Variants in TECPR2 observed in about 807,000 individuals in gnomAD.
TECPR2 encodes the protein tectonin beta-propeller repeat containing 2.
Under a neutral mutation model 138.1 loss-of-function variants are expected in TECPR2, and 65 were observed. The observed-to-expected ratio is 0.47, with a 90% CI of 0.39 to 0.58. TECPR2 has a LOEUF of 0.58. TECPR2 is among the 20% of genes least tolerant of loss of function. The pLI, the probability that TECPR2 is intolerant of heterozygous loss-of-function variation, is 0.00. For missense variants in TECPR2, 1,553 were observed against 1,824.5 expected (o/e 0.85, Z 2.71); for synonymous variants, 746 against 749.8 (o/e 0.99, Z 0.08).
chr14:102,486,336 G>A (rs894325057), intron 17 of TECPR2, among the ~76,000 whole-genome samples: 3 of 152,070 alleles, frequency 2.0e-5, no homozygotes, highest in African/African-American at 4.8e-5. Context: ...CTCTTGTTCC[G>A]TCACCCACGC....
chr14:102,376,776 C>T lies in TECPR2; in HGVS notation c.55C>T (p.Leu19Phe), dbSNP rs1887648991. 1 of 1,614,052 alleles carries T rather than the reference C, an allele frequency of 6.2e-7. No homozygotes were observed. The highest frequency in any genetic ancestry group is 2.2e-5 in the East Asian group (1 of 44,894). The change falls in exon 2 of 20, where the codon CTC (leucine) becomes TTC (phenylalanine). Residue 19 changes from leucine to phenylalanine, a missense_variant. Physicochemically the swap from Leu to Phe is conservative, Grantham distance 22. Coordinates refer to ENST00000359520, the MANE Select transcript of TECPR2 (RefSeq NM_014844.5). Reference sequence around the variant, plus strand: ...CAGAGAGTTCTGCCCGTTGTACTATCTCCTCAATGCCATTCCGACAAAGAT... The same window carrying T: ...CAGAGAGTTCTGCCCGTTGTACTATTTCCTCAATGCCATTCCGACAAAGAT... ...TFREFCPLYYLLNAIPTKIQK... is the reference protein window; with the variant it reads ...TFREFCPLYYFLNAIPTKIQK...
chr14:102,377,710 A>G (rs10151889), intron 2 of TECPR2, among the ~76,000 whole-genome samples: 48,669 of 152,118 alleles, frequency 0.32, 8,106 homozygotes, highest in Middle Eastern at 0.4. Context: ...CATCTTAAAA[A>G]AAAGAAAGAA....
chr14:102,400,297 G>A (rs1595102337), intron 2 of TECPR2, among the ~76,000 whole-genome samples: 1 of 152,070 alleles, frequency 6.6e-6, no homozygotes, highest in South Asian at 2.1e-4. Flanking sequence ...TGCCCGCCTT[G>A]GCCTCCCAAA....
At chr14:102,470,450 G>A (rs1890632789) in intron 17 of TECPR2, among the ~76,000 whole-genome samples, 1 of 151,728 alleles carries the variant, frequency 6.6e-6, no homozygotes, top group Non-Finnish European at 1.5e-5. Flanking sequence ...TGGGACTACA[G>A]GCATGTACCA....
intron 4 of TECPR2, among the ~76,000 whole-genome samples, chr14:102,413,059 A>G (rs1888925207): frequency 6.6e-6 from 1 of 152,068 alleles, no homozygotes. Flanking sequence ...TTGCACCACT[A>G]CACTCCAGCC....
chr14:102,431,884 G>A lies in TECPR2; in HGVS notation c.1173G>A (p.Thr391=), dbSNP rs747637703. Residue 391 remains threonine, a synonymous_variant, in exon 8 of 20, where the codon ACG becomes ACA. Coordinates refer to ENST00000359520, the MANE Select transcript of TECPR2 (RefSeq NM_014844.5). ...EKLPGATVSE[T]RLRGSSMASS... is the part of the protein sequence containing the mutation. ...TGCCAGGGGCCACAGTTTCTGAGAC[G>A]AGGCTCAGAGGCTCTTCCATGGCCA... 5.1e-5 allele frequency: 82 copies of A among 1,606,236 alleles called. No homozygotes were observed. Among genetic ancestry groups the A allele is most frequent in the Admixed American group, 1.3e-4 (8 of 59,846 alleles).
Position 102,498,147 on chromosome 14 carries a change from C to T in TECPR2, c.4126C>T (p.Leu1376Phe), listed in dbSNP as rs1429648673. 6.2e-7 allele frequency: 1 copy of T among 1,613,338 alleles called. No individual in the cohort carries two copies. The highest frequency in any genetic ancestry group is 8.5e-7 in the Non-Finnish European group (1 of 1,179,980). Residue 1376 changes from leucine to phenylalanine, a missense_variant, in exon 20 of 20, where the codon CTC becomes TTC. Leu to Phe is a conservative substitution (Grantham distance 22, BLOSUM62 0). Transcript: ENST00000359520. The part of the protein sequence containing the change: ...ELWAVGPPGY[L>F]LQRLTKTFSH... ...GTGGGCTGTGGGCCCGCCCGGCTACCTCCTCCAACGGCTGACAAAGACGTT... is the reference window on the plus strand; with the variant it reads ...GTGGGCTGTGGGCCCGCCCGGCTACTTCCTCCAACGGCTGACAAAGACGTT...
At chr14:102,416,648 A>G (rs1195431950) in intron 5 of TECPR2, among the ~76,000 whole-genome samples, 3 of 152,204 alleles carry the variant, frequency 2.0e-5, no homozygotes, top group South Asian at 2.1e-4. Flanking sequence ...TTGAAAACCA[A>G]TTACTTTACA....
Position 102,498,696 on chromosome 14 carries a change from C to T in TECPR2, c.*439C>T, listed in dbSNP as rs898412871. 5 of 417,628 alleles carry T rather than the reference C, an allele frequency of 1.2e-5. No individual in the cohort carries two copies. The highest frequency in any genetic ancestry group is 5.8e-5 in the South Asian group (3 of 51,950). 25.9% of individuals were successfully genotyped at this position (417,628 alleles called of 1,614,324 possible). A position where few individuals can be genotyped will look rare whatever the true frequency, so the allele number is the denominator to read the frequency against. ...GGAGCCAAAGGTCAGCTCTCTGCAG[C>T]GCGGGATGTGCTCGGTGATGGCTTT... On this transcript the variant is annotated 3_prime_UTR_variant, in exon 20 of 20. Coordinates refer to ENST00000359520, the MANE Select transcript of TECPR2 (RefSeq NM_014844.5).
intron 2 of TECPR2, among the ~76,000 whole-genome samples, chr14:102,402,541 G>T (rs1888521065): frequency 6.6e-6 from 1 of 151,654 alleles, no homozygotes; most frequent in African/African-American, 2.4e-5. Flanking sequence ...GAAATAATAA[G>T]ATTAGAACAG....
In TECPR2 at chr14:102,450,564, C is replaced by T. The variant is rs1472780559; in HGVS notation, c.3321C>T (p.Thr1107=). ...CTTCCTATTTACTCTTTCCAGGCACCTACTGGAATCATGTGGTTCCCCGTG... is the reference window on the plus strand; with the variant it reads ...CTTCCTATTTACTCTTTCCAGGCACTTACTGGAATCATGTGGTTCCCCGTG... The part of the protein sequence containing the change: ...FHVAKGSLIG[T]YWNHVVPRGT... The change falls in exon 15 of 20, where the codon ACC becomes ACT. Residue 1107 remains threonine (T), a synonymous_variant. Transcript: ENST00000359520. 2.6e-5 allele frequency: 42 copies of T among 1,614,068 alleles called. No individual in the cohort carries two copies. Among genetic ancestry groups the T allele is most frequent in the Non-Finnish European group, 3.6e-5 (42 of 1,179,936 alleles).
At chr14:102,447,328 C>G (rs767297060) in intron 13 of TECPR2, among the ~76,000 whole-genome samples, 2 of 151,910 alleles carry the variant, frequency 1.3e-5, no homozygotes, top group African/African-American at 4.8e-5. Context: ...AGGCTGGTCT[C>G]GAACTCCTTG....
At chr14:102,439,054 C>T (rs1255619831) in intron 10 of TECPR2, among the ~76,000 whole-genome samples, 1 of 151,838 alleles carries the variant, frequency 6.6e-6, no homozygotes, top group African/African-American at 2.4e-5. Context: ...TTAGTGGACA[C>T]GGGGTTTCAC....
intron 17 of TECPR2, among the ~76,000 whole-genome samples, chr14:102,472,580 C>A (rs1238452913): frequency 1.3e-5 from 2 of 152,212 alleles, no homozygotes; most frequent in Non-Finnish European, 2.9e-5. Context: ...GGAAGACATT[C>A]AGTTTGCCAT....
At chr14:102,429,930 T>G (rs1002109894) in intron 7 of TECPR2, among the ~76,000 whole-genome samples, 1 of 152,190 alleles carries the variant, frequency 6.6e-6, no homozygotes, top group Non-Finnish European at 1.5e-5. Flanking sequence ...CAAGTGCAGC[T>G]GAGAGATGAA....
At position 102,434,471 on chromosome 14, in the gene TECPR2, G is replaced by T. The variant is rs1889599130; in HGVS notation, c.1654G>T (p.Val552Leu). The T allele has an allele frequency of 1.3e-6, 2 of 1,554,996 alleles. No homozygotes were observed. The highest frequency in any genetic ancestry group is 1.7e-6 in the Non-Finnish European group (2 of 1,152,444). ...TDPETFNVLEVSGSMPDSLAE... is the reference protein window; with the variant it reads ...TDPETFNVLELSGSMPDSLAE... ...CCCCGAAACGTTTAATGTCCTGGAG[G>T]TGTCAGGATCAATGCCTGATTCTCT... The change falls in exon 9 of 20, where the codon GTG becomes TTG. Residue 552 changes from valine (V) to leucine (L), a missense_variant. Physicochemically the swap from Val to Leu is conservative, Grantham distance 32. Transcript: ENST00000359520.
At chr14:102,457,049 C>A (rs1298140660) in intron 16 of TECPR2, among the ~76,000 whole-genome samples, 3 of 152,086 alleles carry the variant, frequency 2.0e-5, no homozygotes, top group Non-Finnish European at 4.4e-5. Context: ...CAGGTATGGT[C>A]TGTGTCCTGC....
intron 4 of TECPR2, 141 bp from the exon 5 acceptor site, chr14:102,414,495 C>A: frequency 1.0e-6 from 1 of 1,001,320 alleles, no homozygotes; most frequent in Non-Finnish European, 1.5e-6. Flanking sequence ...GAGAGTGAAT[C>A]TGCAGAGAGT....
At chr14:102,371,581 T>C (rs1434727570) in intron 1 of TECPR2, among the ~76,000 whole-genome samples, 1 of 152,210 alleles carries the variant, frequency 6.6e-6, no homozygotes, top group East Asian at 1.9e-4. Flanking sequence ...CTGGGTGCTA[T>C]GGCTTACGGG....
Sources: allele counts gnomAD v4.1 joint callset (sites outside exome capture counted in the v4.1 genomes callset), GRCh38; gene constraint gnomAD v4.1.1; transcripts MANE v1.5; gene names NCBI Gene and HGNC (gene_info 2026-07-23, HGNC 2026-07-21).